The following KIF27 variants were observed in gnomAD, a reference collection of about 807,000 sequenced individuals.
KIF27 encodes the protein kinesin-like protein KIF27.
A neutral mutation model predicts 141.8 loss-of-function variants in KIF27; 84 were observed. The ratio of observed to expected loss-of-function variants is 0.59; its 90% CI spans 0.50 to 0.71. KIF27 has a LOEUF of 0.71. Among genes scored for constraint, KIF27 ranks in the 30% least tolerant of loss-of-function variants. The pLI is 0.00. For synonymous variants in KIF27, 471 were observed against 569.5 expected (o/e 0.83, Z 2.46); for missense variants, 1,306 against 1,628.4 (o/e 0.80, Z 3.41).
At chr9:83,916,700 G>C (rs915267111) in intron 1 of KIF27, among the ~76,000 whole-genome samples, 1 of 133,720 alleles carries the variant, frequency 7.5e-6, no homozygotes, top group African/African-American at 2.9e-5. Context: ...GTCTCGCTCT[G>C]TCGCTCAGGC....
intron 17 of KIF27, among the ~76,000 whole-genome samples, chr9:83,841,369 C>G (rs566061628): frequency 6.6e-6 from 1 of 152,298 alleles, no homozygotes; most frequent in African/African-American, 2.4e-5. Context: ...CCGCACCTAG[C>G]CAATTCTACT....
At chr9:83,910,675 A>G (rs905696297) in intron 2 of KIF27, among the ~76,000 whole-genome samples, 3 of 152,214 alleles carry the variant, frequency 2.0e-5, no homozygotes, top group Admixed American at 6.5e-5. Flanking sequence ...GAATGAGGAA[A>G]GAAACATCTC....
At chr9:83,861,988 C>T (rs973555877) in intron 13 of KIF27, among the ~76,000 whole-genome samples, 5 of 152,048 alleles carry the variant, frequency 3.3e-5, no homozygotes, top group Admixed American at 2.0e-4. Context: ...TTTCGAGAAG[C>T]GTCTGTTCAT....
At chr9:83,847,635 T>C (rs950064609) in intron 16 of KIF27, 2 of 152,148 alleles carry the variant, frequency 1.3e-5, no homozygotes, top group South Asian at 2.1e-4. Context: ...TGTGAGGGTG[T>C]TGCCAAAGGA....
intron 7 of KIF27, 76 bp downstream of exon 7, chr9:83,889,008 G>A: frequency 1.4e-6 from 2 of 1,467,026 alleles, no homozygotes; most frequent in Non-Finnish European, 1.8e-6. Flanking sequence ...TACTCCAATG[G>A]AAAAAACCTA....
intron 16 of KIF27, among the ~76,000 whole-genome samples, chr9:83,848,086 T>TG (rs1234058683): frequency 2.0e-5 from 1 of 48,910 alleles, no homozygotes; most frequent in Admixed American, 1.5e-4. Context: ...TGATATATCA[T>TG]ATATATGATA....
intron 12 of KIF27, among the ~76,000 whole-genome samples, chr9:83,869,885 G>C (rs1481375875): frequency 6.6e-6 from 1 of 152,000 alleles, no homozygotes; most frequent in Non-Finnish European, 1.5e-5. Flanking sequence ...AAAAAATACA[G>C]CACATTTCTG....
chr9:83,842,477 T>C, intron 16 of KIF27, 76 bp from the exon 17 acceptor site: 1 of 1,455,164 alleles, frequency 6.9e-7, no homozygotes, highest in Non-Finnish European at 9.0e-7. Flanking sequence ...TGTTTGTTTT[T>C]TTTGAGACGG....
chr9:83,861,896 T>C (rs1206118680), intron 13 of KIF27, among the ~76,000 whole-genome samples: 5 of 151,370 alleles, frequency 3.3e-5, no homozygotes, highest in African/African-American at 4.8e-5. Flanking sequence ...TGGTATCTCA[T>C]TGTGGTTTTG....
At chr9:83,910,021 G>C (rs1954976578) in intron 2 of KIF27, among the ~76,000 whole-genome samples, 2 of 152,180 alleles carry the variant, frequency 1.3e-5, no homozygotes, top group Admixed American at 1.3e-4. Flanking sequence ...CCAGGAGACA[G>C]AGCCTAGGTG....
intron 5 of KIF27, among the ~76,000 whole-genome samples, chr9:83,896,789 A>G (rs1293380689): frequency 5.3e-5 from 8 of 152,244 alleles, no homozygotes; most frequent in Non-Finnish European, 1.2e-4. Context: ...ATAAATGAAA[A>G]TAGCATACTA....
intron 5 of KIF27, among the ~76,000 whole-genome samples, chr9:83,894,811 AG>A (rs1953020039): frequency 6.6e-6 from 1 of 152,180 alleles, no homozygotes; most frequent in African/African-American, 2.4e-5. Context: ...AATAAATCCT[AG>A]CCAGGAGAAT....
At chr9:83,908,917 G>A (rs1447368570) in intron 2 of KIF27, among the ~76,000 whole-genome samples, 2 of 151,962 alleles carry the variant, frequency 1.3e-5, no homozygotes, top group African/African-American at 2.4e-5. Context: ...CCACCACCAG[G>A]CTATTATAAC....
At chr9:83,916,525 A>G (rs1469086703) in intron 1 of KIF27, among the ~76,000 whole-genome samples, 1 of 152,230 alleles carries the variant, frequency 6.6e-6, no homozygotes, top group African/African-American at 2.4e-5. Flanking sequence ...TGCTTTTTCT[A>G]CTTCTAAATA....
chr9:83,916,980 T>A (rs557033773), intron 1 of KIF27, among the ~76,000 whole-genome samples: 113 of 152,056 alleles, frequency 7.4e-4, no homozygotes, highest in African/African-American at 2.2e-3. Flanking sequence ...CTTTTTTTTT[T>A]AAATATATAT....
At chr9:83,892,752 G>A (rs186921348) in intron 5 of KIF27, among the ~76,000 whole-genome samples, 158 of 152,252 alleles carry the variant, frequency 1.0e-3, no homozygotes, top group Middle Eastern at 6.8e-3. Flanking sequence ...AAGAAAGCTG[G>A]TGTAGCTATA....
rs1390590755 is a variant in KIF27, at chr9:83,834,178, T to C, written c.*2823A>G. 1.3e-5 allele frequency among the ~76,000 whole-genome samples: 2 copies of C among 152,102 alleles called. No individual in the cohort carries two copies. The highest frequency in any genetic ancestry group is 6.5e-5 in the Admixed American group (1 of 15,276). On this transcript the variant is annotated 3_prime_UTR_variant, in exon 18 of 18. Coordinates refer to ENST00000297814, the MANE Select transcript of KIF27 (RefSeq NM_017576.4). ...GAAAAAAAGAAAACCACAAACATTT[T>C]ATATACATGCAAAAAGGCAATAAAG...
In KIF27 at chr9:83,911,817, C is replaced by CA. The variant is rs574809782; in HGVS notation, c.299-3166dup. On this transcript the variant is annotated intron_variant, in intron 2 of 17. Coordinates refer to ENST00000297814, the MANE Select transcript of KIF27 (RefSeq NM_017576.4). ...AAGTACTGGGATTACAGAAGTGAGC[C>CA]ACCACGCCTGGCCTCCACTTACATG... is the stretch of plus-strand genomic sequence containing the variant. 5.9e-3 allele frequency among the ~76,000 whole-genome samples: 903 copies of CA among 152,274 alleles called. 2 individuals are homozygous for CA. Among genetic ancestry groups the CA allele is most frequent in the Middle Eastern group, 0.024 (7 of 294 alleles).
At chr9:83,902,669 T>C (rs1045259720) in intron 4 of KIF27, among the ~76,000 whole-genome samples, 1 of 152,130 alleles carries the variant, frequency 6.6e-6, no homozygotes, top group Non-Finnish European at 1.5e-5. Context: ...AAGTTTTATT[T>C]CCGAAACAAG....
Sources: allele counts gnomAD v4.1 joint callset (sites outside exome capture counted in the v4.1 genomes callset), GRCh38; gene constraint gnomAD v4.1.1; transcripts MANE v1.5; gene names NCBI Gene and HGNC (gene_info 2026-07-23, HGNC 2026-07-21).